GABRA4: variants seen among roughly 807,000 people sequenced by gnomAD.
GABRA4 encodes the protein gamma-aminobutyric acid receptor subunit alpha-4.
Under a neutral mutation model 49.7 loss-of-function variants are expected in GABRA4, and 12 were observed. That is an observed-to-expected ratio of 0.24 (90% CI 0.15 to 0.39). The LOEUF is 0.39. Ranked by LOEUF, GABRA4 falls within the 10% of genes least tolerant of loss-of-function variation. The pLI is 1.00. For missense variants in GABRA4, 506 were observed against 686.0 expected (o/e 0.74, Z 2.93); for synonymous variants, 288 against 240.2 (o/e 1.20, Z -1.84).
intron 8 of GABRA4, among the ~76,000 whole-genome samples, chr4:46,946,687 C>A (rs1721992274): frequency 6.6e-6 from 1 of 152,068 alleles, no homozygotes; most frequent in African/African-American, 2.4e-5. Flanking sequence ...TAGTACAACG[C>A]CTGGCACAAA....
At chr4:46,960,518 A>C (rs73247606) in intron 8 of GABRA4, among the ~76,000 whole-genome samples, 20,358 of 151,708 alleles carry the variant, frequency 0.13, 1,979 homozygotes, top group Admixed American at 0.32. Context: ...AAATATCTGT[A>C]ACATTCAAAT....
intron 2 of GABRA4, among the ~76,000 whole-genome samples, chr4:46,981,992 C>A (rs1362141279): frequency 6.6e-6 from 1 of 151,986 alleles, no homozygotes; most frequent in Non-Finnish European, 1.5e-5. Context: ...AAGGGAGGGA[C>A]AGAATGCTGA....
rs1553903641 is a variant in GABRA4 at position 46,950,733 on chromosome 4, A to AATTAATTAATTAATT, written c.1134+14236_1134+14237insAATTAATTAATTAAT. Reference sequence around the variant, plus strand: ...TCTCTAAGAAAATAAATAAATAAATAAATAAATAAATAAATTACTATATGC... The same window carrying AATTAATTAATTAATT: ...TCTCTAAGAAAATAAATAAATAAATAATTAATTAATTAATTAATAAATAAATAAATTACTATATGC... On this transcript the variant is annotated intron_variant, in intron 8 of 8. Transcript: ENST00000264318. Among the ~76,000 whole-genome samples, 17 of 129,796 alleles carry AATTAATTAATTAATT rather than the reference A, an allele frequency of 1.3e-4. No individual in the cohort carries two copies. The South Asian group carries it at 3.0e-3, about 23-fold the overall frequency. 85.2% of individuals were successfully genotyped at this position (129,796 alleles called of 152,430 possible).
chr4:46,968,358 T>C (rs1487744960), intron 7 of GABRA4, among the ~76,000 whole-genome samples: 1 of 150,964 alleles, frequency 6.6e-6, no homozygotes, highest in Non-Finnish European at 1.5e-5. Flanking sequence ...GCACAAAAGA[T>C]GGGTAAATTT....
At chr4:46,953,216 G>C (rs1480972419) in intron 8 of GABRA4, among the ~76,000 whole-genome samples, 3 of 151,992 alleles carry the variant, frequency 2.0e-5, no homozygotes, top group Non-Finnish European at 4.4e-5. Context: ...TTTATCTGCT[G>C]ACGATCAATA....
chr4:46,928,863 C>T, intron 8 of GABRA4, 108 bp from the exon 9 acceptor site: 1 of 718,498 alleles, frequency 1.4e-6, no homozygotes, highest in Non-Finnish European at 2.2e-6. Context: ...TAAAATAAAA[C>T]TTTATTAATA....
chr4:46,992,528 G>C, intron 2 of GABRA4: 1 of 412,372 alleles, frequency 2.4e-6, no homozygotes, highest in Non-Finnish European at 4.4e-6. Flanking sequence ...CGTCCAGGCA[G>C]CTGAGCCCAG....
At chr4:46,950,049 A>T (rs1043479450) in intron 8 of GABRA4, among the ~76,000 whole-genome samples, 1 of 152,132 alleles carries the variant, frequency 6.6e-6, no homozygotes, top group Non-Finnish European at 1.5e-5. Flanking sequence ...TTTTTAGATC[A>T]GCCCGTTGGC....
intron 2 of GABRA4, among the ~76,000 whole-genome samples, chr4:46,989,650 T>C (rs1209787829): frequency 1.3e-5 from 2 of 152,244 alleles, no homozygotes; most frequent in African/African-American, 2.4e-5. Context: ...TTTCAACCCC[T>C]GCCTGGCCTA....
chr4:46,972,652 T>C (rs1379194070), intron 6 of GABRA4, among the ~76,000 whole-genome samples: 1 of 151,592 alleles, frequency 6.6e-6, no homozygotes, highest in African/African-American at 2.4e-5. Context: ...AAGTAGACAA[T>C]ACAGTACTGT....
chr4:46,943,860 T>C (rs1721896152), intron 8 of GABRA4, among the ~76,000 whole-genome samples: 1 of 152,154 alleles, frequency 6.6e-6, no homozygotes, highest in Non-Finnish European at 1.5e-5. Context: ...TTTTGTTATA[T>C]GCATAGATTG....
At chr4:46,985,219 A>G (rs1367349198) in intron 2 of GABRA4, among the ~76,000 whole-genome samples, 2 of 152,080 alleles carry the variant, frequency 1.3e-5, no homozygotes, top group Non-Finnish European at 2.9e-5. Flanking sequence ...TTTAAAATAA[A>G]GACAGTCAAC....
intron 5 of GABRA4, among the ~76,000 whole-genome samples, chr4:46,975,097 G>A (rs773216596): frequency 2.0e-5 from 3 of 151,946 alleles, no homozygotes; most frequent in Non-Finnish European, 4.4e-5. Context: ...TGCAAATGGA[G>A]AACAGCTGCT....
intron 2 of GABRA4, among the ~76,000 whole-genome samples, chr4:46,989,178 C>G (rs1170510085): frequency 6.6e-6 from 1 of 152,158 alleles, no homozygotes; most frequent in Non-Finnish European, 1.5e-5. Flanking sequence ...AAAGGCTGTG[C>G]AACCCTTCAA....
chr4:46,942,206 A>G (rs893473555), intron 8 of GABRA4, among the ~76,000 whole-genome samples: 1 of 152,114 alleles, frequency 6.6e-6, no homozygotes, highest in African/African-American at 2.4e-5. Flanking sequence ...TCTTTTCTTT[A>G]TGGAACATCC....
intron 8 of GABRA4, among the ~76,000 whole-genome samples, chr4:46,944,298 A>G (rs1305729905): frequency 6.6e-6 from 1 of 151,846 alleles, no homozygotes; most frequent in Non-Finnish European, 1.5e-5. Flanking sequence ...AATCAACAAA[A>G]GACAGGAATT....
intron 8 of GABRA4, among the ~76,000 whole-genome samples, chr4:46,942,101 T>C (rs1721820537): frequency 6.6e-6 from 1 of 152,162 alleles, no homozygotes; most frequent in Non-Finnish European, 1.5e-5. Flanking sequence ...TAGTTACTCA[T>C]CCCATTATTC....
At chr4:46,971,288 A>G in intron 6 of GABRA4, 53 bp from the exon 7 acceptor site, 3 of 1,513,528 alleles carry the variant, frequency 2.0e-6, no homozygotes, top group Non-Finnish European at 2.7e-6. Context: ...GCAATTAGTC[A>G]ATGGCTTCAT....
chr4:46,983,373 A>G (rs2109401865), intron 2 of GABRA4, among the ~76,000 whole-genome samples: 1 of 152,180 alleles, frequency 6.6e-6, no homozygotes, highest in Middle Eastern at 3.4e-3. Flanking sequence ...TTCTATCTGT[A>G]ACAGCAAAGG....
Sources: allele counts gnomAD v4.1 joint callset (sites outside exome capture counted in the v4.1 genomes callset), GRCh38; gene constraint gnomAD v4.1.1; transcripts MANE v1.5; gene names NCBI Gene and HGNC (gene_info 2026-07-23, HGNC 2026-07-21).